Variants in PCSK2 observed in about 807,000 individuals in gnomAD.
The protein encoded by PCSK2 is proprotein convertase subtilisin/kexin type 2.
PCSK2 carries 14 observed loss-of-function variants against 69.7 expected under a neutral mutation model. The observed-to-expected ratio is 0.20, with a 90% CI of 0.13 to 0.31. The LOEUF (loss-of-function observed/expected upper bound fraction) is 0.31. Ranked by LOEUF, PCSK2 falls within the 10% of genes least tolerant of loss-of-function variation. PCSK2 has a pLI of 1.00. For synonymous variants in PCSK2, 307 were observed against 320.7 expected (o/e 0.96, Z 0.46); for missense variants, 544 against 842.5 (o/e 0.65, Z 4.39).
intron 6 of PCSK2, among the ~76,000 whole-genome samples, chr20:17,424,096 T>A (rs906496469): frequency 3.3e-5 from 5 of 152,168 alleles, no homozygotes; most frequent in Non-Finnish European, 5.9e-5. Flanking sequence ...TAAACAAGAA[T>A]GTTTCTTTTC....
chr20:17,368,258 G>C (rs2030657476), intron 4 of PCSK2, among the ~76,000 whole-genome samples: 1 of 152,114 alleles, frequency 6.6e-6, no homozygotes, highest in Non-Finnish European at 1.5e-5. Flanking sequence ...TGCACCAGCT[G>C]CTGGGCCAAG....
chr20:17,458,441 G>A (rs2032960442), intron 10 of PCSK2, among the ~76,000 whole-genome samples: 1 of 152,216 alleles, frequency 6.6e-6, no homozygotes, highest in Non-Finnish European at 1.5e-5. Context: ...ATATGAGTCA[G>A]TCATCGGCTA....
intron 1 of PCSK2, among the ~76,000 whole-genome samples, chr20:17,239,501 G>A (rs1283312699): frequency 6.6e-6 from 1 of 152,090 alleles, no homozygotes; most frequent in Non-Finnish European, 1.5e-5. Flanking sequence ...CTTAAATGAG[G>A]TTTGTCATTA....
intron 6 of PCSK2, among the ~76,000 whole-genome samples, chr20:17,417,840 G>A (rs2032034941): frequency 1.3e-5 from 2 of 152,308 alleles, no homozygotes; most frequent in South Asian, 2.1e-4. Context: ...AATAAAATTG[G>A]TTATGGGTTA....
At chr20:17,263,046 G>A (rs1987453733) in intron 2 of PCSK2, 1 of 542,982 alleles carries the variant, frequency 1.8e-6, no homozygotes, top group Non-Finnish European at 2.3e-6. Flanking sequence ...GGTGGTCTGA[G>A]CTGCTATTCG....
chr20:17,404,072 T>C (rs902505523), intron 5 of PCSK2, among the ~76,000 whole-genome samples: 4 of 152,204 alleles, frequency 2.6e-5, no homozygotes, highest in African/African-American at 9.6e-5. Flanking sequence ...CCAATTCTTT[T>C]TTAAAGCCTC....
intron 6 of PCSK2, among the ~76,000 whole-genome samples, chr20:17,424,854 G>A (rs11907844): frequency 0.13 from 19,434 of 151,802 alleles, 1,347 homozygotes; most frequent in African/African-American, 0.15. Context: ...GCGTAATCTT[G>A]GCACACTGTA....
intron 1 of PCSK2, among the ~76,000 whole-genome samples, chr20:17,233,148 G>A (rs6044692): frequency 0.44 from 66,441 of 151,986 alleles, 15,270 homozygotes; most frequent in African/African-American, 0.58. Context: ...GAACAATAAT[G>A]TTGAAAGGTA....
intron 2 of PCSK2, among the ~76,000 whole-genome samples, chr20:17,352,214 T>C (rs1369408731): frequency 2.6e-5 from 4 of 152,094 alleles, no homozygotes; most frequent in African/African-American, 7.2e-5. Context: ...CACAAACAAG[T>C]GGGAAAGCAG....
At chr20:17,326,003 G>A (rs73900209) in intron 2 of PCSK2, among the ~76,000 whole-genome samples, 2,537 of 152,356 alleles carry the variant, frequency 0.017, 59 homozygotes, top group African/African-American at 0.058. Flanking sequence ...AGCAAAAGAG[G>A]TCAAGTGGAA....
chr20:17,251,262 A>G (rs1348930305), intron 1 of PCSK2, among the ~76,000 whole-genome samples: 1 of 152,132 alleles, frequency 6.6e-6, no homozygotes, highest in East Asian at 1.9e-4. Context: ...TTTTTATTTT[A>G]TTAAATCTTA....
intron 6 of PCSK2, among the ~76,000 whole-genome samples, chr20:17,428,177 C>A (rs1274756721): frequency 6.6e-6 from 1 of 152,182 alleles, no homozygotes; most frequent in South Asian, 2.1e-4. Flanking sequence ...TATTTAATAT[C>A]TTTACTTTGT....
At chr20:17,450,009 T>C (rs1472802543) in intron 8 of PCSK2, among the ~76,000 whole-genome samples, 3 of 147,438 alleles carry the variant, frequency 2.0e-5, no homozygotes, top group East Asian at 2.0e-4. Context: ...GTTTGTTGAA[T>C]TTCTTCCCTT....
At chr20:17,456,580 T>C in intron 10 of PCSK2, 132 bp downstream of exon 10, 1 of 635,066 alleles carries the variant, frequency 1.6e-6, no homozygotes, top group Non-Finnish European at 2.8e-6. Context: ...GCCAATGAAC[T>C]CTGCTGTGCA....
At chr20:17,376,485 G>A in intron 5 of PCSK2, among the ~76,000 whole-genome samples, 1 of 152,104 alleles carries the variant, frequency 6.6e-6, no homozygotes, top group East Asian at 1.9e-4. Context: ...TGGCTTCTAG[G>A]CCTATCCTAG....
intron 2 of PCSK2, among the ~76,000 whole-genome samples, chr20:17,351,035 A>C (rs1008567508): frequency 5.2e-5 from 7 of 135,078 alleles, no homozygotes; most frequent in African/African-American, 1.6e-4. Context: ...GCAAGACTTC[A>C]TCTAAAAAAA....
At chr20:17,390,963 G>A (rs1361762878) in intron 5 of PCSK2, among the ~76,000 whole-genome samples, 1 of 152,078 alleles carries the variant, frequency 6.6e-6, no homozygotes, top group African/African-American at 2.4e-5. Context: ...CTCTCCAACA[G>A]TGTGGATATT....
chr20:17,239,111 A>G (rs1239467255), intron 1 of PCSK2, among the ~76,000 whole-genome samples: 1 of 152,200 alleles, frequency 6.6e-6, no homozygotes, highest in Admixed American at 6.5e-5. Context: ...ATAGCCTAAA[A>G]TTTTGTGACT....
chr20:17,428,166 T>G (rs2032286347), intron 6 of PCSK2, among the ~76,000 whole-genome samples: 1 of 152,228 alleles, frequency 6.6e-6, no homozygotes, highest in Non-Finnish European at 1.5e-5. Context: ...TACAGAAGAC[T>G]TATTTAATAT....
Sources: allele counts gnomAD v4.1 joint callset (sites outside exome capture counted in the v4.1 genomes callset), GRCh38; gene constraint gnomAD v4.1.1; transcripts MANE v1.5; gene names NCBI Gene and HGNC (gene_info 2026-07-23, HGNC 2026-07-21).